Variants in RANBP2 observed in about 807,000 individuals in gnomAD.
The protein encoded by RANBP2 is RAN binding protein 2, also known as E3 SUMO-protein ligase RanBP2.
Under a neutral mutation model 303.6 loss-of-function variants are expected in RANBP2, and 57 were observed. The observed-to-expected ratio is 0.19, with a 90% CI of 0.15 to 0.23. The LOEUF (loss-of-function observed/expected upper bound fraction) is 0.23, where lower values mean the gene tolerates loss of function less well. RANBP2 is among the 10% of genes least tolerant of loss of function. The pLI is 1.00. For synonymous variants in RANBP2, 1,167 were observed against 1,301.5 expected (o/e 0.90, Z 2.23); for missense variants, 3,138 against 3,780.8 (o/e 0.83, Z 4.46).
the RANBP2 span, among the ~76,000 whole-genome samples, chr2:109,036,092 ACTT>A: frequency 6.6e-6 from 1 of 151,902 alleles, no homozygotes; most frequent in Non-Finnish European, 1.5e-5. Flanking sequence ...ATGAAAGAAA[ACTT>A]AAGAGAACTT....
the RANBP2 span, among the ~76,000 whole-genome samples, chr2:109,678,011 C>A: frequency 6.6e-6 from 1 of 152,176 alleles, no homozygotes; most frequent in African/African-American, 2.4e-5. Flanking sequence ...GCAGTGCACC[C>A]GTGGTGGCTC....
the RANBP2 span, among the ~76,000 whole-genome samples, chr2:109,651,679 G>A: frequency 6.6e-6 from 1 of 152,202 alleles, no homozygotes; most frequent in East Asian, 1.9e-4. Flanking sequence ...GATTTGAGCG[G>A]TTGGCTGGGG....
the RANBP2 span, among the ~76,000 whole-genome samples, chr2:109,719,027 A>AAAAAAAAC: frequency 8.5e-5 from 10 of 118,200 alleles, no homozygotes; most frequent in Non-Finnish European, 1.3e-4. Flanking sequence ...AAAAAAAAAA[A>AAAAAAAAC]AGAAACAAAA....
the RANBP2 span, chr2:108,847,006 C>A: frequency 1.2e-6 from 1 of 813,844 alleles, no homozygotes; most frequent in South Asian, 1.7e-5. Context: ...ATTCTTTTAT[C>A]AAATATGTTG....
intron 17 of RANBP2, among the ~76,000 whole-genome samples, chr2:108,756,378 CT>C (rs992848195): frequency 1.3e-4 from 20 of 152,254 alleles, no homozygotes; most frequent in Non-Finnish European, 2.1e-4. Flanking sequence ...AGGAGCTTGA[CT>C]TTTTTGGAAT....
At chr2:108,990,304 G>A in the RANBP2 span, among the ~76,000 whole-genome samples, 17 of 151,680 alleles carry the variant, frequency 1.1e-4, no homozygotes, top group Non-Finnish European at 2.2e-4. Flanking sequence ...GGTGGCGGGC[G>A]CCTGTAGTCC....
chr2:108,812,967 C>A, the RANBP2 span: 2 of 1,573,122 alleles, frequency 1.3e-6, no homozygotes, highest in Non-Finnish European at 1.7e-6. Flanking sequence ...GAAAATTTCT[C>A]GGCTGGGTAC....
chr2:108,930,965 AC>A, the RANBP2 span: 1 of 1,613,914 alleles, frequency 6.2e-7, no homozygotes, highest in South Asian at 1.1e-5. Context: ...ACCACTTACC[AC>A]CAGGACGGGG....
the RANBP2 span, among the ~76,000 whole-genome samples, chr2:109,360,544 TA>T: frequency 2.0e-5 from 3 of 152,370 alleles, no homozygotes; most frequent in Middle Eastern, 3.4e-3. Context: ...TCTCATTATG[TA>T]TATGCAAATA....
chr2:109,116,762 T>C, the RANBP2 span, among the ~76,000 whole-genome samples: 1 of 152,248 alleles, frequency 6.6e-6, no homozygotes, highest in Non-Finnish European at 1.5e-5. Context: ...CTTTGTGGTT[T>C]TATCTACTTT....
At chr2:109,634,045 A>G in the RANBP2 span, among the ~76,000 whole-genome samples, 1 of 141,260 alleles carries the variant, frequency 7.1e-6, no homozygotes, top group African/African-American at 2.6e-5. Flanking sequence ...ACTTGAACTC[A>G]GGAAGCGGAG....
At chr2:109,114,845 T>C in the RANBP2 span, among the ~76,000 whole-genome samples, 1 of 152,228 alleles carries the variant, frequency 6.6e-6, no homozygotes, top group Non-Finnish European at 1.5e-5. Flanking sequence ...TTTGTTCTCA[T>C]TAGTTTCAAA....
At chr2:109,192,140 A>G in the RANBP2 span, among the ~76,000 whole-genome samples, 1 of 152,172 alleles carries the variant, frequency 6.6e-6, no homozygotes, top group South Asian at 2.1e-4. Context: ...GGTACCCAAT[A>G]TTGGTTCTTT....
chr2:109,336,149 T>G, the RANBP2 span, among the ~76,000 whole-genome samples: 1 of 152,094 alleles, frequency 6.6e-6, no homozygotes, highest in African/African-American at 2.4e-5. Context: ...TTAAAGAAAG[T>G]CAAAAATACT....
the RANBP2 span, among the ~76,000 whole-genome samples, chr2:109,612,474 G>A: frequency 6.6e-6 from 1 of 152,082 alleles, no homozygotes; most frequent in Non-Finnish European, 1.5e-5. Context: ...AAGGGTACAG[G>A]GTTCTCACTA....
the RANBP2 span, among the ~76,000 whole-genome samples, chr2:108,837,249 C>T: frequency 5.9e-5 from 9 of 152,014 alleles, no homozygotes; most frequent in Non-Finnish European, 1.0e-4. Flanking sequence ...CATGAAAGGG[C>T]GTTGAATCTT....
At chr2:108,968,334 C>CT in the RANBP2 span, among the ~76,000 whole-genome samples, 64 of 152,086 alleles carry the variant, frequency 4.2e-4, no homozygotes, top group African/African-American at 9.7e-5. Flanking sequence ...GTCTTCAAGC[C>CT]TTTTTTTGTT....
chr2:109,048,687 G>A, the RANBP2 span, among the ~76,000 whole-genome samples: 1 of 152,042 alleles, frequency 6.6e-6, no homozygotes, highest in South Asian at 2.1e-4. Flanking sequence ...TGAGGCTGCT[G>A]TTCTATATTC....
the RANBP2 span, chr2:109,129,260 G>T: frequency 3.4e-6 from 2 of 590,998 alleles, no homozygotes; most frequent in Non-Finnish European, 6.0e-6. Flanking sequence ...GCGCGGGGCG[G>T]ACTTGCGGCG....
Sources: allele counts gnomAD v4.1 joint callset (sites outside exome capture counted in the v4.1 genomes callset), GRCh38; gene constraint gnomAD v4.1.1; transcripts MANE v1.5; gene names NCBI Gene and HGNC (gene_info 2026-07-23, HGNC 2026-07-21).